Variants in CCR6 observed in about 807,000 individuals in gnomAD.
The protein encoded by CCR6 is C-C chemokine receptor type 6.
CCR6 carries 2 observed loss-of-function variants against 3.0 expected under a neutral mutation model. The ratio of observed to expected loss-of-function variants is 0.66; its 90% CI spans 0.27 to 2.07. The LOEUF (loss-of-function observed/expected upper bound fraction) is 2.07. Ranked by LOEUF, CCR6 falls within the 30% of genes most tolerant of loss-of-function variation. CCR6 has a pLI of 0.14. For synonymous variants in CCR6, 193 were observed against 184.3 expected (o/e 1.05, Z -0.38); for missense variants, 322 against 462.8 (o/e 0.70, Z 2.79).
rs1307121231 is a variant in CCR6, at chr6:167,136,905, C to A, written c.675C>A (p.Ile225=). The change falls in exon 3 of 3, where the codon ATC becomes ATA. Residue 225 remains isoleucine, a synonymous_variant. Transcript: ENST00000341935. The surrounding 1 kb of genome is among the most constrained non-coding windows in gnomAD (Gnocchi z 4.6). ...TTGAGCTACTCTTTGGTTTCTTTAT[C>A]CCTTTGATGTTCATGATATTTTGTT... The part of the protein sequence containing the change: ...LGLELLFGFF[I]PLMFMIFCYT... 6.2e-7 allele frequency: 1 copy of A among 1,614,130 alleles called. No individual in the cohort carries two copies. The highest frequency in any genetic ancestry group is 1.7e-5 in the Admixed American group (1 of 60,018).
intron 1 of CCR6, chr6:167,114,859 T>A (rs1300565266): frequency 6.6e-6 from 1 of 152,230 alleles, no homozygotes; most frequent in Non-Finnish European, 1.5e-5. Flanking sequence ...GAGGATGTCT[T>A]CACAGATCCA....
At chr6:167,121,598 T>C (rs1336254819), upstream of CCR6, 3 of 151,334 alleles carry the variant, frequency 2.0e-5, no homozygotes. Flanking sequence ...AGGGGAGGGG[T>C]CGTAAGAGCA....
intron 1 of CCR6, among the ~76,000 whole-genome samples, chr6:167,131,801 G>A (rs990220470): frequency 2.0e-5 from 3 of 152,142 alleles, no homozygotes; most frequent in South Asian, 2.1e-4. Context: ...ACACATTTGC[G>A]CGGAAGAGTA....
chr6:167,127,556 G>A (rs1351098320), intron 1 of CCR6, among the ~76,000 whole-genome samples: 3 of 152,202 alleles, frequency 2.0e-5, no homozygotes, highest in African/African-American at 7.2e-5. Context: ...CTAAATTGAA[G>A]TATGCATTAG....
At chr6:167,135,950 A>G (rs1781843425) in intron 1 of CCR6, 88 bp from the exon 2 acceptor site, 2 of 656,468 alleles carry the variant, frequency 3.0e-6, no homozygotes, top group Admixed American at 5.6e-5. Flanking sequence ...CTCTGTTCAC[A>G]CGAGATGGAA....
chr6:167,112,579 T>C (rs1171779810), intron 1 of CCR6, among the ~76,000 whole-genome samples: 1 of 152,094 alleles, frequency 6.6e-6, no homozygotes, highest in African/African-American at 2.4e-5. Context: ...CCCAAACTTC[T>C]CACCCTGGGG....
intron 1 of CCR6, among the ~76,000 whole-genome samples, chr6:167,112,665 C>G (rs1346388963): frequency 1.3e-5 from 2 of 151,970 alleles, no homozygotes; most frequent in African/African-American, 2.4e-5. Flanking sequence ...TGGCTTTGTG[C>G]AGGGAGGTTG....
chr6:167,125,949 T>C (rs1026623227), intron 1 of CCR6, among the ~76,000 whole-genome samples: 2 of 152,240 alleles, frequency 1.3e-5, no homozygotes, highest in African/African-American at 4.8e-5. Flanking sequence ...TAACAAGATC[T>C]TTGAAATGTT....
Position 167,133,932 on chromosome 6 carries a change from G to GTGTGTATATATA in CCR6, c.-97-2105_-97-2104insGTGTATATATAT, listed in dbSNP as rs1183741225. ...ATACTATTATATATGATATATGTGT[G>GTGTGTATATATA]TATATATATATATATATATATATAT... On this transcript the variant is annotated intron_variant, in intron 1 of 2. Transcript: ENST00000341935. 2.2e-3 allele frequency among the ~76,000 whole-genome samples: 244 copies of GTGTGTATATATA among 110,370 alleles called. 4 individuals are homozygous for GTGTGTATATATA. Among genetic ancestry groups the GTGTGTATATATA allele is most frequent in the East Asian group, 3.9e-3 (15 of 3,890 alleles). The allele number at this position is 110,370 out of a possible 152,430, so 72.4% of individuals were successfully genotyped here.
At chr6:167,121,249 A>G (rs1336231778), upstream of CCR6, among the ~76,000 whole-genome samples, 1 of 152,252 alleles carries the variant, frequency 6.6e-6, no homozygotes, top group Non-Finnish European at 1.5e-5. Flanking sequence ...GTCCCTCAGC[A>G]TCTGCGTGGC....
At chr6:167,129,879 GAATATT>G (rs890163203) in intron 1 of CCR6, among the ~76,000 whole-genome samples, 2 of 151,606 alleles carry the variant, frequency 1.3e-5, no homozygotes, top group African/African-American at 2.4e-5. Flanking sequence ...TGAGGCAGCT[GAATATT>G]GGAAAAGAAG....
At chr6:167,131,582 C>G (rs1361151693) in intron 1 of CCR6, 1 of 153,720 alleles carries the variant, frequency 6.5e-6, no homozygotes, top group African/African-American at 2.4e-5. Context: ...CTCCCTTGTT[C>G]TCCAGAGCCG....
chr6:167,123,821 A>G (rs1781623650), intron 1 of CCR6, among the ~76,000 whole-genome samples: 1 of 152,224 alleles, frequency 6.6e-6, no homozygotes, highest in Admixed American at 6.5e-5. Context: ...ATGATATTAA[A>G]GGGAGCCAGG....
intron 1 of CCR6, among the ~76,000 whole-genome samples, chr6:167,132,187 T>C (rs1052354688): frequency 1.3e-5 from 2 of 152,212 alleles, no homozygotes; most frequent in Non-Finnish European, 2.9e-5. Context: ...GAGTAGTATA[T>C]GCTGTTGCAT....
At chr6:167,125,409 T>C (rs10946216) in intron 1 of CCR6, among the ~76,000 whole-genome samples, 92,677 of 152,138 alleles carry the variant, frequency 0.61, 28,520 homozygotes, top group African/African-American at 0.69. Context: ...ACCCCTGCTC[T>C]TCTTGGGGAG....
chr6:167,119,705 A>G (rs1450166515), upstream of CCR6, among the ~76,000 whole-genome samples: 1 of 152,226 alleles, frequency 6.6e-6, no homozygotes, highest in African/African-American at 2.4e-5. Context: ...CTCCTATAAA[A>G]TGTGTTTTTG....
chr6:167,115,107 G>A (rs1485236838), intron 1 of CCR6: 2 of 152,238 alleles, frequency 1.3e-5, no homozygotes, highest in African/African-American at 4.8e-5. Context: ...TAAAGAATCT[G>A]TCTCCTCCGA....
chr6:167,117,431 T>C (rs1781514452), intron 1 of CCR6, among the ~76,000 whole-genome samples: 2 of 146,462 alleles, frequency 1.4e-5, no homozygotes, highest in South Asian at 4.4e-4. Flanking sequence ...TTTTTTTTTT[T>C]TTTGAGACGG....
Position 167,136,680 on chromosome 6 carries a change from G to A in CCR6, c.450G>A (p.Ala150=), listed in dbSNP as rs767267986. 7.4e-6 allele frequency: 12 copies of A among 1,614,036 alleles called. No individual in the cohort carries two copies. Among genetic ancestry groups the A allele is most frequent in the African/African-American group, 6.7e-5 (5 of 74,948 alleles). ...ACCGGTACATCGCCATTGTACAGGCGACTAAGTCATTCCGGCTCCGATCCA... is the reference window on the plus strand; with the variant it reads ...ACCGGTACATCGCCATTGTACAGGCAACTAAGTCATTCCGGCTCCGATCCA... ...SMDRYIAIVQ[A]TKSFRLRSRT... The change falls in exon 3 of 3, where the codon GCG becomes GCA. Residue 150 remains alanine, a synonymous_variant. Coordinates refer to ENST00000341935, the MANE Select transcript of CCR6 (RefSeq NM_031409.4). This position sits in a 1 kb window ranked among gnomAD's most constrained non-coding sequence, Gnocchi z 4.6.
Sources: allele counts gnomAD v4.1 joint callset (sites outside exome capture counted in the v4.1 genomes callset), GRCh38; gene constraint gnomAD v4.1.1; non-coding constraint Gnocchi (gnomAD v3.1); transcripts MANE v1.5; gene names NCBI Gene and HGNC (gene_info 2026-07-23, HGNC 2026-07-21).